SUGCT: variants seen among roughly 807,000 people sequenced by gnomAD.
SUGCT encodes succinyl-CoA:glutarate-CoA transferase.
Under a neutral mutation model 55.0 loss-of-function variants are expected in SUGCT, and 41 were observed. The observed-to-expected ratio is 0.74, with a 90% confidence interval of 0.58 to 0.97. The LOEUF (loss-of-function observed/expected upper bound fraction) is 0.97, where lower values mean the gene tolerates loss of function less well. Among genes scored for constraint, SUGCT ranks in the 50% least tolerant of loss-of-function variants. The probability of loss-of-function intolerance (pLI) is 0.00; values close to 1 mark genes in which losing one functional copy is unlikely to be tolerated. For missense variants in SUGCT, 568 were observed against 547.8 expected (o/e 1.04, Z -0.37); for synonymous variants, 187 against 200.4 (o/e 0.93, Z 0.56).
chr7:40,669,346 CAAAAAAAAA>C (rs33947436), intron 12 of SUGCT, among the ~76,000 whole-genome samples: 2 of 90,780 alleles, frequency 2.2e-5, no homozygotes, highest in South Asian at 4.2e-4. Flanking sequence ...GTGTAAGCTT[CAAAAAAAAA>C]AAAAAAAAAA....
At chr7:40,435,727 C>G (rs905551508) in intron 9 of SUGCT, among the ~76,000 whole-genome samples, 4 of 151,968 alleles carry the variant, frequency 2.6e-5, no homozygotes, top group East Asian at 1.9e-4. Context: ...TGGTTCCTGT[C>G]CCTCCACGCT....
chr7:40,753,794 C>A (rs1788128533), intron 13 of SUGCT, among the ~76,000 whole-genome samples: 1 of 152,166 alleles, frequency 6.6e-6, no homozygotes, highest in South Asian at 2.1e-4. Context: ...GTTTAATATA[C>A]TTTGGACAAG....
At chr7:40,944,068 T>C in the SUGCT span, among the ~76,000 whole-genome samples, 1 of 152,138 alleles carries the variant, frequency 6.6e-6, no homozygotes, top group Non-Finnish European at 1.5e-5. Flanking sequence ...TTTGGCTGCA[T>C]AAATGTCTTC....
chr7:40,874,503 C>T, the SUGCT span, among the ~76,000 whole-genome samples: 43 of 152,310 alleles, frequency 2.8e-4, no homozygotes, highest in Non-Finnish European at 4.9e-4. Flanking sequence ...ATACAGTGCG[C>T]TGGATTAAGT....
chr7:40,577,563 C>G (rs1796836871), intron 12 of SUGCT, among the ~76,000 whole-genome samples: 1 of 152,062 alleles, frequency 6.6e-6, no homozygotes, highest in Non-Finnish European at 1.5e-5. Context: ...TTTTGCTGAA[C>G]TCAAACTGTA....
At chr7:40,950,015 G>T in the SUGCT span, among the ~76,000 whole-genome samples, 4 of 152,246 alleles carry the variant, frequency 2.6e-5, no homozygotes, top group African/African-American at 7.2e-5. Context: ...AGCTTGATAG[G>T]GATGTCATTG....
At chr7:40,726,429 A>AG (rs1562966157) in intron 12 of SUGCT, among the ~76,000 whole-genome samples, 2 of 151,932 alleles carry the variant, frequency 1.3e-5, no homozygotes, top group South Asian at 4.2e-4. Context: ...GAATAGGCTG[A>AG]GGGGGGAGCA....
At chr7:40,188,678 A>C in intron 4 of SUGCT, 98 bp downstream of exon 4, 1 of 676,790 alleles carries the variant, frequency 1.5e-6, no homozygotes, top group South Asian at 2.2e-5. Context: ...TCCTTAAAAA[A>C]ATTAAGATGT....
chr7:40,247,586 A>C (rs750372648), intron 7 of SUGCT, among the ~76,000 whole-genome samples: 15 of 152,054 alleles, frequency 9.9e-5, no homozygotes, highest in Non-Finnish European at 2.1e-4. Context: ...CATTTTGGTG[A>C]GTATGTAGTA....
At chr7:40,352,663 T>C (rs1038562843) in intron 9 of SUGCT, among the ~76,000 whole-genome samples, 1 of 152,218 alleles carries the variant, frequency 6.6e-6, no homozygotes, top group African/African-American at 2.4e-5. Context: ...TATTCCATGC[T>C]TTATCCAGTC....
chr7:41,033,884 C>A, the SUGCT span, among the ~76,000 whole-genome samples: 1 of 151,804 alleles, frequency 6.6e-6, no homozygotes, highest in South Asian at 2.1e-4. Flanking sequence ...GAAAATGAAA[C>A]TGGAATTGGG....
intron 12 of SUGCT, among the ~76,000 whole-genome samples, chr7:40,621,928 T>G (rs1799284222): frequency 6.6e-6 from 1 of 152,176 alleles, no homozygotes; most frequent in East Asian, 1.9e-4. Flanking sequence ...CTCCCCCAAC[T>G]TCTGTTACCT....
chr7:40,862,545 T>C (rs1425375591), downstream of SUGCT, among the ~76,000 whole-genome samples: 1 of 152,184 alleles, frequency 6.6e-6, no homozygotes, highest in Non-Finnish European at 1.5e-5. Flanking sequence ...TCGGGGCCTA[T>C]TATCTTACAC....
At chr7:40,415,060 AAATCTATCT>A (rs1372885845) in intron 9 of SUGCT, among the ~76,000 whole-genome samples, 2,886 of 83,054 alleles carry the variant, frequency 0.035, 24 homozygotes, top group East Asian at 0.051. Flanking sequence ...AAAAAAAAAA[AAATCTATCT>A]ATCTATCTAT....
the SUGCT span, among the ~76,000 whole-genome samples, chr7:40,964,037 G>C: frequency 6.6e-6 from 1 of 152,164 alleles, no homozygotes; most frequent in African/African-American, 2.4e-5. Flanking sequence ...TTGAACATTG[G>C]TATTTAGAAG....
At chr7:40,357,901 C>T (rs540805829) in intron 9 of SUGCT, among the ~76,000 whole-genome samples, 8 of 152,102 alleles carry the variant, frequency 5.3e-5, no homozygotes, top group African/African-American at 1.2e-4. Flanking sequence ...GCCAGTATGG[C>T]GTTGTTTGCT....
At chr7:40,619,010 T>A (rs1013590959) in intron 12 of SUGCT, among the ~76,000 whole-genome samples, 1 of 152,172 alleles carries the variant, frequency 6.6e-6, no homozygotes, top group Non-Finnish European at 1.5e-5. Flanking sequence ...CCCACCGTCT[T>A]TGAGTCACAT....
At chr7:41,019,427 AG>A in the SUGCT span, among the ~76,000 whole-genome samples, 1 of 152,198 alleles carries the variant, frequency 6.6e-6, no homozygotes, top group Non-Finnish European at 1.5e-5. Context: ...TAACTCTTAA[AG>A]GACAACATTA....
At chr7:40,893,587 G>A in the SUGCT span, among the ~76,000 whole-genome samples, 1 of 152,056 alleles carries the variant, frequency 6.6e-6, no homozygotes, top group Non-Finnish European at 1.5e-5. Flanking sequence ...GAGCATGCTA[G>A]TGAACAACCA....
Sources: allele counts gnomAD v4.1 joint callset (sites outside exome capture counted in the v4.1 genomes callset), GRCh38; gene constraint gnomAD v4.1.1; transcripts MANE v1.5; gene names NCBI Gene and HGNC (gene_info 2026-07-23, HGNC 2026-07-21).